HECW2: variants seen among roughly 807,000 people sequenced by gnomAD.
The protein encoded by HECW2 is E3 ubiquitin-protein ligase HECW2.
HECW2 carries 61 observed loss-of-function variants against 175.2 expected under a neutral mutation model. That is an observed-to-expected ratio of 0.35 (90% CI 0.28 to 0.43). The LOEUF is 0.43. Ranked by LOEUF, HECW2 falls within the 20% of genes least tolerant of loss-of-function variation. The pLI, the probability that HECW2 is intolerant of heterozygous loss-of-function variation, is 1.00. For missense variants in HECW2, 1,524 were observed against 2,000.5 expected (o/e 0.76, Z 4.54); for synonymous variants, 671 against 731.0 (o/e 0.92, Z 1.32).
At chr2:196,362,704 T>C (rs1693630013) in intron 2 of HECW2, among the ~76,000 whole-genome samples, 1 of 152,180 alleles carries the variant, frequency 6.6e-6, no homozygotes, top group Non-Finnish European at 1.5e-5. Context: ...ACAGATAGAA[T>C]CATCAATCTA....
intron 1 of HECW2, among the ~76,000 whole-genome samples, chr2:196,549,348 T>A (rs116747805): frequency 6.6e-6 from 1 of 152,320 alleles, no homozygotes; most frequent in Non-Finnish European, 1.5e-5. Flanking sequence ...GGAAAATGAC[T>A]TCTTTTCTTT....
chr2:196,195,961 TC>T lies in HECW2; in HGVS notation c.*5315del, dbSNP rs1269939808. Reference sequence around the variant, plus strand: ...GTGCCTTCATCAGGGAGCATAGCTTTCTTCTTCTCAGTCTGAAACCAAATTG... The same window carrying T: ...GTGCCTTCATCAGGGAGCATAGCTTTTTCTTCTCAGTCTGAAACCAAATTG... On this transcript the variant is annotated 3_prime_UTR_variant, in exon 29 of 29. Transcript: ENST00000644978. 3 of 152,200 alleles carry T rather than the reference TC, an allele frequency of 2.0e-5. No individual in the cohort carries two copies. The South Asian group carries it at 6.2e-4, about 31-fold the overall frequency. 9.4% of individuals were successfully genotyped at this position (152,200 alleles called of 1,614,324 possible).
rs1357662423 is a variant in HECW2 at position 196,322,701 on chromosome 2, G to T, written c.742-81C>A. The T allele has an allele frequency of 2.3e-6, 3 of 1,285,074 alleles. No individual in the cohort carries two copies. The Admixed American group carries it at 5.9e-5, about 25-fold the overall frequency. The allele number at this position is 1,285,074 out of a possible 1,614,324, so 79.6% of individuals were successfully genotyped here. A position where few individuals can be genotyped will look rare whatever the true frequency, so the allele number is the denominator to read the frequency against. On this transcript the variant is annotated intron_variant, in intron 6 of 28. Transcript: ENST00000644978. ...TATCATTTTATTTGTATAGGAAATG[G>T]TATCTCTTAAATTCTAACAACATAC...
At chr2:196,452,658 T>C (rs912944612) in intron 1 of HECW2, among the ~76,000 whole-genome samples, 1 of 152,118 alleles carries the variant, frequency 6.6e-6, no homozygotes, top group African/African-American at 2.4e-5. Context: ...CTAACCAACA[T>C]GAGCACCTGC....
chr2:196,309,098 G>A (rs1468793100), intron 10 of HECW2, among the ~76,000 whole-genome samples: 1 of 152,126 alleles, frequency 6.6e-6, no homozygotes, highest in East Asian at 1.9e-4. Context: ...TAATCCTGGA[G>A]ACCAGAAGGA....
In HECW2 at chr2:196,222,321, G is replaced by A. The variant is rs1687698378; in HGVS notation, c.4036C>T (p.Leu1346=). 1.2e-6 allele frequency: 2 copies of A among 1,613,328 alleles called. No individual in the cohort carries two copies. The highest frequency in any genetic ancestry group is 2.2e-5 in the South Asian group (2 of 91,030). ...TGGAACTCTTCATCAAGGTATTCTA[G>A]GTCACTCAGGTCACATAGACTAAGA... is the stretch of plus-strand genomic sequence containing the variant. The part of the protein sequence containing the change: ...LLRILCDLSD[L]EYLDEEFHQS... Residue 1346 remains leucine (L), a synonymous_variant, in exon 24 of 29, where the codon CTA becomes TTA. Transcript: ENST00000644978.
At chr2:196,348,053 T>G (rs999646269) in intron 2 of HECW2, among the ~76,000 whole-genome samples, 4 of 152,240 alleles carry the variant, frequency 2.6e-5, no homozygotes, top group African/African-American at 9.6e-5. Flanking sequence ...TGGCACATCA[T>G]GCTAAGAAAT....
intron 19 of HECW2, among the ~76,000 whole-genome samples, chr2:196,251,538 AACTC>A (rs1357402419): frequency 6.6e-6 from 1 of 152,076 alleles, no homozygotes; most frequent in Non-Finnish European, 1.5e-5. Flanking sequence ...TCCAACACCA[AACTC>A]ACTCAATCTT....
At chr2:196,226,970 G>C (rs559134506) in intron 22 of HECW2, among the ~76,000 whole-genome samples, 11 of 152,252 alleles carry the variant, frequency 7.2e-5, no homozygotes, top group African/African-American at 2.6e-4. Context: ...TCTTTCAAAA[G>C]GATTCAAGTT....
At chr2:196,511,624 G>A (rs1687955991) in intron 1 of HECW2, among the ~76,000 whole-genome samples, 1 of 152,156 alleles carries the variant, frequency 6.6e-6, no homozygotes, top group Non-Finnish European at 1.5e-5. Flanking sequence ...AATTATGACA[G>A]ATGTTATTAA....
At chr2:196,422,615 T>C (rs1166200497) in intron 2 of HECW2, among the ~76,000 whole-genome samples, 1 of 152,068 alleles carries the variant, frequency 6.6e-6, no homozygotes, top group Non-Finnish European at 1.5e-5. Context: ...TAATCCTTTG[T>C]TCTGTTAAGC....
chr2:196,561,397 T>G (rs1689996011), intron 1 of HECW2, among the ~76,000 whole-genome samples: 1 of 152,206 alleles, frequency 6.6e-6, no homozygotes, highest in Non-Finnish European at 1.5e-5. Flanking sequence ...TGGAACTTCA[T>G]TAGTAATTCT....
At chr2:196,341,930 T>G (rs564685329) in intron 3 of HECW2, among the ~76,000 whole-genome samples, 1 of 152,326 alleles carries the variant, frequency 6.6e-6, no homozygotes, top group Admixed American at 6.5e-5. Context: ...CACAAAGATA[T>G]GCTTGTGGCA....
chr2:196,242,076 T>G lies in HECW2; in HGVS notation c.3650+8A>C. The G allele has an allele frequency of 6.2e-7, 1 of 1,613,618 alleles. No individual in the cohort carries two copies. ...ATACATTATGTGGTTTGTGTCACTT[T>G]GACTTACTTTAACTTCCCTGGGCCT... On this transcript the variant is annotated splice_region_variant and intron_variant, in intron 20 of 28. Transcript: ENST00000644978.
At chr2:196,341,838 A>G (rs1299227386) in intron 3 of HECW2, among the ~76,000 whole-genome samples, 1 of 152,230 alleles carries the variant, frequency 6.6e-6, no homozygotes, top group Non-Finnish European at 1.5e-5. Flanking sequence ...AAAAGAAATT[A>G]TTTCATGCCT....
chr2:196,315,565 C>T (rs1691663190), intron 10 of HECW2, among the ~76,000 whole-genome samples: 1 of 152,186 alleles, frequency 6.6e-6, no homozygotes, highest in Non-Finnish European at 1.5e-5. Context: ...TCCTGTTTGT[C>T]AGTCACTGAT....
At chr2:196,296,016 G>C (rs972959582) in intron 13 of HECW2, among the ~76,000 whole-genome samples, 5 of 152,086 alleles carry the variant, frequency 3.3e-5, no homozygotes, top group South Asian at 2.1e-4. Flanking sequence ...ATGACTGTTA[G>C]GGTCTATACA....
At chr2:196,505,234 G>A (rs1258440454) in intron 1 of HECW2, among the ~76,000 whole-genome samples, 1 of 152,054 alleles carries the variant, frequency 6.6e-6, no homozygotes, top group Admixed American at 6.5e-5. Context: ...GACAAAAACA[G>A]CAATTAATAA....
chr2:196,579,936 TG>T (rs1690709149), intron 1 of HECW2, among the ~76,000 whole-genome samples: 1 of 152,210 alleles, frequency 6.6e-6, no homozygotes, highest in Admixed American at 6.5e-5. Context: ...AATAAATTTC[TG>T]TTGTGTAAGT....
Sources: allele counts gnomAD v4.1 joint callset (sites outside exome capture counted in the v4.1 genomes callset), GRCh38; gene constraint gnomAD v4.1.1; transcripts MANE v1.5; gene names NCBI Gene and HGNC (gene_info 2026-07-23, HGNC 2026-07-21).